Variants in CDH8 observed in about 807,000 individuals in gnomAD.
The protein encoded by CDH8 is cadherin-8.
In CDH8, 17 loss-of-function variants were observed where a neutral mutation model predicts 68.1. The ratio of observed to expected loss-of-function variants is 0.25; its 90% CI spans 0.17 to 0.37. The LOEUF (loss-of-function observed/expected upper bound fraction) is 0.37. Ranked by LOEUF, CDH8 falls within the 10% of genes least tolerant of loss-of-function variation. The probability of loss-of-function intolerance (pLI) is 1.00; values close to 1 mark genes in which losing one functional copy is unlikely to be tolerated. For missense variants in CDH8, 763 were observed against 999.3 expected (o/e 0.76, Z 3.19); for synonymous variants, 372 against 365.1 (o/e 1.02, Z -0.21).
intron 3 of CDH8, among the ~76,000 whole-genome samples, chr16:61,876,582 C>T (rs1376580455): frequency 6.6e-6 from 1 of 152,032 alleles, no homozygotes; most frequent in Non-Finnish European, 1.5e-5. Context: ...AGGAAGAAGG[C>T]CTCTGCTTGC....
intron 3 of CDH8, among the ~76,000 whole-genome samples, chr16:61,868,780 C>T (rs543267051): frequency 1.3e-5 from 2 of 152,272 alleles, no homozygotes; most frequent in African/African-American, 4.8e-5. Context: ...TTGGTACATG[C>T]ATGCTTAGAG....
At chr16:61,956,052 T>G (rs1964982283) in intron 2 of CDH8, among the ~76,000 whole-genome samples, 1 of 152,236 alleles carries the variant, frequency 6.6e-6, no homozygotes, top group Non-Finnish European at 1.5e-5. Flanking sequence ...ATCACTTAAC[T>G]ACATTAGTGT....
chr16:61,705,145 C>G (rs1464593361), intron 10 of CDH8, among the ~76,000 whole-genome samples: 1 of 152,186 alleles, frequency 6.6e-6, no homozygotes, highest in Non-Finnish European at 1.5e-5. Context: ...CAAAGTGCAT[C>G]AGCACATTGA....
At position 61,797,837 on chromosome 16, in the gene CDH8, C is replaced by T. The variant is rs369518848; in HGVS notation, c.1278-8355G>A. On this transcript the variant is annotated intron_variant, in intron 7 of 11. Coordinates refer to ENST00000577390, the MANE Select transcript of CDH8 (RefSeq NM_001796.5). The stretch of plus-strand genomic sequence containing the variant: ...TAGGGTGAAGCAAATTCACTCAACA[C>T]GATCAATGTATCTTTACATTATTTA... Among the ~76,000 whole-genome samples the T allele has an allele frequency of 2.4e-4, 37 of 152,072 alleles. 1 individual carries two copies. Among genetic ancestry groups the T allele is most frequent in the African/African-American group, 4.6e-4 (19 of 41,432 alleles).
intron 7 of CDH8, among the ~76,000 whole-genome samples, chr16:61,800,695 C>G (rs1283925935): frequency 2.0e-5 from 3 of 152,186 alleles, no homozygotes; most frequent in Non-Finnish European, 1.5e-5. Flanking sequence ...ACTTCATACT[C>G]ATGGGGTAGA....
Position 61,649,684 on chromosome 16 carries a change from A to T in CDH8, c.*3924T>A, listed in dbSNP as rs2142728456. 1 of 152,046 alleles carries T rather than the reference A, an allele frequency of 6.6e-6. No individual in the cohort carries two copies. Among genetic ancestry groups the T allele is most frequent in the East Asian group, 1.9e-4 (1 of 5,154 alleles). The allele number at this position is 152,046 out of a possible 1,614,324, so 9.4% of individuals were successfully genotyped here. On this transcript the variant is annotated 3_prime_UTR_variant, in exon 12 of 12. Transcript: ENST00000577390. ...CAATCAAAAAGGCAATCAGAAGGTT[A>T]TACATTCGTGAGATTCCCTGCAAAG...
chr16:61,655,794 T>C (rs1963433488), intron 10 of CDH8, 73 bp from the exon 11 acceptor site: 1 of 1,376,834 alleles, frequency 7.3e-7, no homozygotes, highest in African/African-American at 1.4e-5. Flanking sequence ...GTTTTTCTAG[T>C]TCATGAACCC....
chr16:62,025,690 G>A (rs1401517941), intron 1 of CDH8, among the ~76,000 whole-genome samples: 1 of 151,994 alleles, frequency 6.6e-6, no homozygotes, highest in Non-Finnish European at 1.5e-5. Context: ...AAATTTTATT[G>A]AAATAGACTG....
chr16:61,989,332 T>C (rs1179344221), intron 2 of CDH8, among the ~76,000 whole-genome samples: 2 of 152,182 alleles, frequency 1.3e-5, no homozygotes, highest in Non-Finnish European at 2.9e-5. Context: ...CTGATTGAAA[T>C]GAGTTTTCCC....
intron 2 of CDH8, among the ~76,000 whole-genome samples, chr16:61,987,249 A>G (rs1180829167): frequency 1.3e-5 from 2 of 152,200 alleles, no homozygotes; most frequent in Non-Finnish European, 2.9e-5. Context: ...CACACCTGCA[A>G]TCCTAGCACT....
intron 2 of CDH8, among the ~76,000 whole-genome samples, chr16:61,927,171 C>T (rs1485966808): frequency 2.6e-5 from 4 of 152,150 alleles, no homozygotes; most frequent in East Asian, 3.9e-4. Context: ...TATCAGGTAA[C>T]TTCAGACAAA....
intron 10 of CDH8, among the ~76,000 whole-genome samples, chr16:61,700,244 A>T (rs1596878827): frequency 6.6e-6 from 1 of 150,772 alleles, no homozygotes; most frequent in Non-Finnish European, 1.5e-5. Flanking sequence ...CAGTAGCAGG[A>T]TTATTGGATC....
At chr16:61,712,191 A>G (rs1169516724) in intron 10 of CDH8, among the ~76,000 whole-genome samples, 1 of 151,742 alleles carries the variant, frequency 6.6e-6, no homozygotes, top group Non-Finnish European at 1.5e-5. Flanking sequence ...AAAATTCAAG[A>G]AAACACATAA....
chr16:61,782,501 G>C lies in CDH8; in HGVS notation c.1414+6845C>G, dbSNP rs937172513. ...TGAGATCAAACTGCAAGGCAGCAGC[G>C]AGGCTGGGGGAGGGGCGCCCGCCAT... On this transcript the variant is annotated intron_variant, in intron 8 of 11. Transcript: ENST00000577390. 5.9e-5 allele frequency among the ~76,000 whole-genome samples: 9 copies of C among 152,094 alleles called. No homozygotes were observed. In the East Asian group the frequency reaches 9.7e-4, roughly 16 times the overall value.
chr16:61,920,391 TCAAA>T (rs920979932), intron 2 of CDH8, among the ~76,000 whole-genome samples: 2 of 147,508 alleles, frequency 1.4e-5, no homozygotes, highest in African/African-American at 5.0e-5. Flanking sequence ...TACAATGAAC[TCAAA>T]CAAATTTACA....
At chr16:61,913,436 A>G (rs1013839171) in intron 2 of CDH8, among the ~76,000 whole-genome samples, 1 of 152,156 alleles carries the variant, frequency 6.6e-6, no homozygotes, top group Admixed American at 6.6e-5. Flanking sequence ...AGTGTTTATA[A>G]GTAACTTGAG....
chr16:61,662,467 T>A (rs1189206910), intron 10 of CDH8, among the ~76,000 whole-genome samples: 1 of 151,814 alleles, frequency 6.6e-6, no homozygotes, highest in Non-Finnish European at 1.5e-5. Context: ...ACTGAATCCA[T>A]AGTTACATAC....
chr16:61,861,267 T>A (rs1428937117), intron 3 of CDH8, among the ~76,000 whole-genome samples: 1 of 152,202 alleles, frequency 6.6e-6, no homozygotes, highest in East Asian at 1.9e-4. Context: ...AAATTTAGCT[T>A]CATCCATTCT....
At chr16:61,825,232 G>A in intron 4 of CDH8, 53 bp from the exon 5 acceptor site, 1 of 1,458,184 alleles carries the variant, frequency 6.9e-7, no homozygotes, top group Non-Finnish European at 9.5e-7. Context: ...ATTCAAAAAT[G>A]AAAGTGTTAA....
Sources: allele counts gnomAD v4.1 joint callset (sites outside exome capture counted in the v4.1 genomes callset), GRCh38; gene constraint gnomAD v4.1.1; transcripts MANE v1.5; gene names NCBI Gene and HGNC (gene_info 2026-07-23, HGNC 2026-07-21).